DLG5: variants seen among roughly 807,000 people sequenced by gnomAD.
DLG5 encodes disks large homolog 5.
Under a neutral mutation model 189.8 loss-of-function variants are expected in DLG5, and 48 were observed. The observed-to-expected ratio is 0.25, with a 90% CI of 0.20 to 0.32. DLG5 has a LOEUF of 0.32. DLG5 is among the 10% of genes least tolerant of loss of function. The pLI, the probability that DLG5 is intolerant of heterozygous loss-of-function variation, is 1.00. For missense variants in DLG5, 2,160 were observed against 2,544.7 expected (o/e 0.85, Z 3.25); for synonymous variants, 1,016 against 1,054.1 (o/e 0.96, Z 0.70).
chr10:77,869,504 C>G, intron 1 of DLG5: 1 of 395,224 alleles, frequency 2.5e-6, no homozygotes, highest in South Asian at 2.8e-5. Context: ...AGTGACATGC[C>G]CCAGGTAAAC....
At chr10:77,803,292 G>A (rs1232677387) in intron 27 of DLG5, among the ~76,000 whole-genome samples, 4 of 150,656 alleles carry the variant, frequency 2.7e-5, no homozygotes, top group Non-Finnish European at 5.9e-5. Context: ...ACTGCCACAG[G>A]GGTGTTCAGA....
intron 2 of DLG5, among the ~76,000 whole-genome samples, chr10:77,865,193 G>T (rs988887262): frequency 1.3e-5 from 2 of 152,084 alleles, no homozygotes; most frequent in African/African-American, 4.8e-5. Context: ...TAACATTTGG[G>T]GCCGTGTTCA....
chr10:77,829,137 C>G, intron 12 of DLG5, 152 bp from the exon 13 acceptor site: 1 of 1,032,542 alleles, frequency 9.7e-7, no homozygotes, highest in South Asian at 1.6e-5. Context: ...TCCCACCAAT[C>G]GGGGGCTCAG....
At chr10:77,843,194 C>T (rs184809393) in intron 6 of DLG5, among the ~76,000 whole-genome samples, 10 of 152,274 alleles carry the variant, frequency 6.6e-5, no homozygotes, top group African/African-American at 1.9e-4. Flanking sequence ...GATTTCTACA[C>T]GCTCAGAAAG....
At position 77,843,429 on chromosome 10, in the gene DLG5, C is replaced by G. The variant is rs747374410; in HGVS notation, c.1124+18G>C. 1 of 1,610,888 alleles carries G rather than the reference C, an allele frequency of 6.2e-7. No homozygotes were observed. The highest frequency in any genetic ancestry group is 1.1e-5 in the South Asian group (1 of 91,022). On this transcript the variant is annotated intron_variant, in intron 6 of 31. Coordinates refer to ENST00000372391, the MANE Select transcript of DLG5 (RefSeq NM_004747.4). ...ATAGGACCCATTTGCCCCCGGCCCC[C>G]GATGGCCCTAGCCCTACCTCCTCAG...
At chr10:77,930,461 C>G (rs1846776374), upstream of DLG5, among the ~76,000 whole-genome samples, 2 of 151,718 alleles carry the variant, frequency 1.3e-5, no homozygotes, top group South Asian at 4.2e-4. Flanking sequence ...GATTCTCCTG[C>G]CTCAGCCTCC....
At chr10:77,793,246 T>C (rs951741754) in intron 31 of DLG5, 1 of 152,338 alleles carries the variant, frequency 6.6e-6, no homozygotes, top group African/African-American at 2.4e-5. Context: ...CTGTGAGGAA[T>C]TGGAAATGAA....
chr10:77,908,102 G>A (rs1334837980), intron 1 of DLG5, among the ~76,000 whole-genome samples: 1 of 152,050 alleles, frequency 6.6e-6, no homozygotes, highest in African/African-American at 2.4e-5. Context: ...GGAAAGCAGA[G>A]GTACCCTCAG....
At chr10:77,921,889 C>T (rs891090287) in intron 1 of DLG5, among the ~76,000 whole-genome samples, 5 of 152,172 alleles carry the variant, frequency 3.3e-5, no homozygotes, top group Non-Finnish European at 7.3e-5. Context: ...GAGGTCCAGC[C>T]AAGTTCTGCC....
At chr10:77,805,915 C>G in intron 26 of DLG5, 54 bp from the exon 27 acceptor site, 1 of 1,509,734 alleles carries the variant, frequency 6.6e-7, no homozygotes, top group Non-Finnish European at 9.0e-7. Context: ...GCTGCCCTGC[C>G]CTTCCTGCCC....
intron 24 of DLG5, 111 bp from the exon 25 acceptor site, chr10:77,808,055 C>T (rs910691291): frequency 2.3e-5 from 30 of 1,321,940 alleles, no homozygotes; most frequent in Middle Eastern, 5.1e-4. Flanking sequence ...CCCTCCTTAA[C>T]TGAGACTCTG....
intron 2 of DLG5, chr10:77,867,124 A>G (rs2154576998): frequency 2.2e-6 from 1 of 455,754 alleles, no homozygotes; most frequent in Middle Eastern, 3.3e-4. Context: ...TGCAGAACCA[A>G]CTGGTGGGTC....
intron 1 of DLG5, among the ~76,000 whole-genome samples, chr10:77,903,353 G>A (rs928860639): frequency 6.6e-6 from 1 of 151,988 alleles, no homozygotes; most frequent in Non-Finnish European, 1.5e-5. Context: ...GCTTGAACTC[G>A]GGAGGCAGAG....
chr10:77,845,934 TAAAAAAAAAAAAAA>T (rs1209911526), intron 5 of DLG5, among the ~76,000 whole-genome samples: 12 of 97,518 alleles, frequency 1.2e-4, no homozygotes, highest in African/African-American at 2.1e-4. Flanking sequence ...AATCTTTCTT[TAAAAAAAAAAAAAA>T]AAAAAAAAAG....
chr10:77,902,061 G>A (rs1398361743), intron 1 of DLG5, among the ~76,000 whole-genome samples: 1 of 152,136 alleles, frequency 6.6e-6, no homozygotes, highest in Non-Finnish European at 1.5e-5. Context: ...CCACCGAGCT[G>A]CACTCACACC....
At chr10:77,843,993 A>G (rs2154576377) in intron 5 of DLG5, among the ~76,000 whole-genome samples, 1 of 152,316 alleles carries the variant, frequency 6.6e-6, no homozygotes. Context: ...CCTGCTTGCA[A>G]GGTTGACCCT....
At position 77,843,527 on chromosome 10, in the gene DLG5, C is replaced by T; in HGVS notation, c.1044G>A (p.Leu348=). 3 of 1,614,178 alleles carry T rather than the reference C, an allele frequency of 1.9e-6. No individual in the cohort carries two copies. The highest frequency in any genetic ancestry group is 2.5e-6 in the Non-Finnish European group (3 of 1,180,048). Residue 348 remains leucine (L), a synonymous_variant, in exon 6 of 32, where the codon TTG becomes TTA. Transcript: ENST00000372391. ...LEQLGEENQR[L]LKQTEMLTQQ... ...GGGTCAGCATCTCTGTCTGCTTCAGCAACCGCTGGTTCTCCTCCCCCAGCT... is the reference window on the plus strand; with the variant it reads ...GGGTCAGCATCTCTGTCTGCTTCAGTAACCGCTGGTTCTCCTCCCCCAGCT...
At chr10:77,856,687 C>A in intron 3 of DLG5, 43 bp downstream of exon 3, 1 of 1,595,006 alleles carries the variant, frequency 6.3e-7, no homozygotes, top group East Asian at 2.3e-5. Context: ...GGGTAGTAAT[C>A]CCAACCATGG....
intron 1 of DLG5, among the ~76,000 whole-genome samples, chr10:77,912,980 C>A (rs189327107): frequency 6.6e-6 from 1 of 152,310 alleles, no homozygotes; most frequent in East Asian, 1.9e-4. Context: ...GCTCAAGGGA[C>A]AAGCTCCAAG....
Sources: allele counts gnomAD v4.1 joint callset (sites outside exome capture counted in the v4.1 genomes callset), GRCh38; gene constraint gnomAD v4.1.1; transcripts MANE v1.5; gene names NCBI Gene and HGNC (gene_info 2026-07-23, HGNC 2026-07-21).